Variants in SINHCAF observed in about 807,000 individuals in gnomAD.
The protein encoded by SINHCAF is SIN3-HDAC complex-associated factor.
Under a neutral mutation model 25.8 loss-of-function variants are expected in SINHCAF, and 3 were observed. That is an observed-to-expected ratio of 0.12 (90% CI 0.05 to 0.30). SINHCAF has a LOEUF of 0.30. SINHCAF is among the 10% of genes least tolerant of loss of function. The pLI is 1.00. For synonymous variants in SINHCAF, 70 were observed against 85.5 expected, an observed-to-expected ratio of 0.82 and a Z score of 1.00; for missense variants, 121 against 262.3, an observed-to-expected ratio of 0.46 and a Z score of 3.72.
intron 1 of SINHCAF, among the ~76,000 whole-genome samples, chr12:31,310,252 T>C (rs2137118677): frequency 6.6e-6 from 1 of 152,296 alleles, no homozygotes; most frequent in Non-Finnish European, 1.5e-5. Context: ...ATACCCACCA[T>C]GTTAACTTTT....
intron 1 of SINHCAF, among the ~76,000 whole-genome samples, chr12:31,301,772 C>G (rs989365210): frequency 3.3e-5 from 5 of 151,918 alleles, no homozygotes; most frequent in Non-Finnish European, 7.4e-5. Flanking sequence ...AAAAACACTA[C>G]TTAATCCCTA....
At chr12:31,293,598 T>C (rs367570901) in intron 4 of SINHCAF, among the ~76,000 whole-genome samples, 1 of 152,282 alleles carries the variant, frequency 6.6e-6, no homozygotes. Context: ...GGTTAGCTAG[T>C]AGAAATACTC....
intron 5 of SINHCAF, among the ~76,000 whole-genome samples, chr12:31,285,353 A>G (rs1937998545): frequency 6.6e-6 from 1 of 150,882 alleles, no homozygotes; most frequent in Non-Finnish European, 1.5e-5. Context: ...ACACCACTGC[A>G]CTCCAGCCTA....
intron 1 of SINHCAF, among the ~76,000 whole-genome samples, chr12:31,318,936 A>G (rs1939600210): frequency 6.6e-6 from 1 of 152,234 alleles, no homozygotes; most frequent in African/African-American, 2.4e-5. Flanking sequence ...AGAGTTGCAC[A>G]TTACAGAAAA....
intron 5 of SINHCAF, among the ~76,000 whole-genome samples, chr12:31,285,222 T>C (rs1348010778): frequency 6.6e-6 from 1 of 152,030 alleles, no homozygotes; most frequent in East Asian, 1.9e-4. Context: ...ACCCAATCTC[T>C]ACTAAAAATA....
chr12:31,315,887 C>T (rs1364351592), intron 1 of SINHCAF, among the ~76,000 whole-genome samples: 2 of 152,104 alleles, frequency 1.3e-5, no homozygotes, highest in African/African-American at 4.8e-5. Flanking sequence ...CAACCATGGC[C>T]GGGCGTGGTG....
At chr12:31,310,679 T>C (rs1389872952) in intron 1 of SINHCAF, among the ~76,000 whole-genome samples, 1 of 152,198 alleles carries the variant, frequency 6.6e-6, no homozygotes, top group African/African-American at 2.4e-5. Flanking sequence ...CATGTGACAT[T>C]TGACAAGAGT....
rs1182850007 is a variant in SINHCAF, at chr12:31,281,339, CATTTAATGTGAACACA to C, written c.*1357_*1372del. On this transcript the variant is annotated 3_prime_UTR_variant, in exon 6 of 6. Transcript: ENST00000337682. Reference sequence around the variant, plus strand: ...TGACTAAAAGAAGCCAAACCAAAACCATTTAATGTGAACACAAACCTCTTTTCTTTTAGTAAGTTTT... The same window carrying C: ...TGACTAAAAGAAGCCAAACCAAAACCAACCTCTTTTCTTTTAGTAAGTTTT... The C allele has an allele frequency of 6.6e-6, 1 of 152,192 alleles. No homozygotes were observed. Among genetic ancestry groups the C allele is most frequent in the Non-Finnish European group, 1.5e-5 (1 of 68,040 alleles). 9.4% of individuals were successfully genotyped at this position (152,192 alleles called of 1,614,324 possible).
chr12:31,283,355 C>T (rs1287605456), intron 5 of SINHCAF, among the ~76,000 whole-genome samples: 1 of 152,068 alleles, frequency 6.6e-6, no homozygotes, highest in African/African-American at 2.4e-5. Flanking sequence ...GTAATCCCAG[C>T]AGTTTGGGAG....
intron 4 of SINHCAF, among the ~76,000 whole-genome samples, chr12:31,292,107 CTATAAT>C (rs1565491563): frequency 6.6e-6 from 1 of 152,164 alleles, no homozygotes; most frequent in Admixed American, 6.6e-5. Flanking sequence ...ATCACTTTCT[CTATAAT>C]TAAGGGAAAG....
chr12:31,288,371 A>C (rs1019604910), intron 4 of SINHCAF, among the ~76,000 whole-genome samples: 1 of 152,198 alleles, frequency 6.6e-6, no homozygotes, highest in Non-Finnish European at 1.5e-5. Flanking sequence ...TCCTAACCCC[A>C]GCAGAGGCTG....
intron 1 of SINHCAF, chr12:31,303,131 A>C (rs898668524): frequency 3.0e-6 from 3 of 985,270 alleles, no homozygotes; most frequent in Non-Finnish European, 3.6e-6. Context: ...GGAGGTTCTA[A>C]CACTGATCTA....
chr12:31,322,511 G>A (rs1939736993), intron 1 of SINHCAF, among the ~76,000 whole-genome samples: 1 of 151,888 alleles, frequency 6.6e-6, no homozygotes, highest in Non-Finnish European at 1.5e-5. Flanking sequence ...TTGCCTTTTG[G>A]TATTGTAATT....
chr12:31,290,338 C>T (rs1024119003), intron 4 of SINHCAF, among the ~76,000 whole-genome samples: 11 of 152,040 alleles, frequency 7.2e-5, no homozygotes, highest in Admixed American at 2.6e-4. Context: ...GACAGGATTT[C>T]GCCATGTTTG....
intron 4 of SINHCAF, among the ~76,000 whole-genome samples, chr12:31,292,267 C>T (rs534636124): frequency 6.6e-6 from 1 of 152,056 alleles, no homozygotes; most frequent in South Asian, 2.1e-4. Flanking sequence ...TTTGGGAAGC[C>T]GAGGTGGGTG....
chr12:31,314,981 A>G (rs990331948), intron 1 of SINHCAF, among the ~76,000 whole-genome samples: 1 of 152,176 alleles, frequency 6.6e-6, no homozygotes. Context: ...GTTCTCCATA[A>G]TTTTTAATAC....
chr12:31,298,628 C>T (rs942099437), intron 1 of SINHCAF: 18 of 237,730 alleles, frequency 7.6e-5, no homozygotes, highest in African/African-American at 2.5e-4. Flanking sequence ...TTTGCATTAA[C>T]GTGATTCCCC....
At chr12:31,314,136 G>C (rs993213668) in intron 1 of SINHCAF, among the ~76,000 whole-genome samples, 2 of 151,978 alleles carry the variant, frequency 1.3e-5, no homozygotes, top group Non-Finnish European at 2.9e-5. Flanking sequence ...GGGGCCTTTG[G>C]AGCCGTGTTT....
At chr12:31,321,224 A>T (rs528534739) in intron 1 of SINHCAF, among the ~76,000 whole-genome samples, 1 of 152,352 alleles carries the variant, frequency 6.6e-6, no homozygotes, top group East Asian at 1.9e-4. Context: ...ATCAAAACTT[A>T]AGTGTGGGAA....
Sources: allele counts gnomAD v4.1 joint callset (sites outside exome capture counted in the v4.1 genomes callset), GRCh38; gene constraint gnomAD v4.1.1; transcripts MANE v1.5; gene names NCBI Gene and HGNC (gene_info 2026-07-23, HGNC 2026-07-21).